FBXL17: variants seen among roughly 807,000 people sequenced by gnomAD.
FBXL17 encodes F-box/LRR-repeat protein 17.
FBXL17 carries 22 observed loss-of-function variants against 66.2 expected under a neutral mutation model. That is an observed-to-expected ratio of 0.33 (90% CI 0.24 to 0.47). FBXL17 has a LOEUF of 0.47. Among genes scored for constraint, FBXL17 ranks in the 20% least tolerant of loss-of-function variants. The pLI is 1.00. For synonymous variants in FBXL17, 474 were observed against 400.5 expected (o/e 1.18, Z -2.19); for missense variants, 878 against 948.2 (o/e 0.93, Z 0.97).
At chr5:107,864,056 CT>C (rs1486246491) in intron 8 of FBXL17, among the ~76,000 whole-genome samples, 1 of 152,208 alleles carries the variant, frequency 6.6e-6, no homozygotes, top group African/African-American at 2.4e-5. Context: ...CATGTTACTT[CT>C]TTAAGACTTG....
intron 8 of FBXL17, among the ~76,000 whole-genome samples, chr5:107,877,576 C>T (rs892710667): frequency 6.6e-6 from 1 of 152,116 alleles, no homozygotes; most frequent in Non-Finnish European, 1.5e-5. Context: ...AAAGAACATG[C>T]AACTAGAATG....
At chr5:107,929,010 T>C (rs1320460906) in intron 7 of FBXL17, among the ~76,000 whole-genome samples, 3 of 152,160 alleles carry the variant, frequency 2.0e-5, no homozygotes, top group South Asian at 4.1e-4. Context: ...TTTCTTGCAC[T>C]GCCATTTTAC....
At chr5:108,279,295 C>A (rs1038316565) in intron 4 of FBXL17, among the ~76,000 whole-genome samples, 2 of 152,044 alleles carry the variant, frequency 1.3e-5, no homozygotes, top group Non-Finnish European at 1.5e-5. Flanking sequence ...GCCCTGGGAA[C>A]AAAAGGCATG....
chr5:107,979,974 T>C (rs1315913788), intron 7 of FBXL17, among the ~76,000 whole-genome samples: 1 of 152,246 alleles, frequency 6.6e-6, no homozygotes, highest in Non-Finnish European at 1.5e-5. Flanking sequence ...TGGTATGCTC[T>C]GACAAATCTT....
chr5:108,068,763 C>T (rs1361467518), intron 6 of FBXL17, among the ~76,000 whole-genome samples: 2 of 152,110 alleles, frequency 1.3e-5, no homozygotes, highest in Non-Finnish European at 2.9e-5. Flanking sequence ...GGCCAATACT[C>T]CTAATTTCTA....
At chr5:107,967,604 A>G (rs1752201699) in intron 7 of FBXL17, among the ~76,000 whole-genome samples, 1 of 151,862 alleles carries the variant, frequency 6.6e-6, no homozygotes, top group South Asian at 2.1e-4. Context: ...TGGGTGCAGC[A>G]CACCAACACG....
intron 6 of FBXL17, among the ~76,000 whole-genome samples, chr5:108,174,653 T>A: frequency 6.6e-6 from 1 of 150,994 alleles, no homozygotes; most frequent in East Asian, 2.0e-4. Flanking sequence ...TAAATATACA[T>A]TTGAAAAGAA....
chr5:108,162,087 T>C lies in FBXL17; in HGVS notation c.1745+24030A>G, dbSNP rs114968995. The stretch of plus-strand genomic sequence containing the variant: ...AATTATAAACTCTATGAGGCAAATA[T>C]TGCTAAATTATTAATTCTGTGGCAA... On this transcript the variant is annotated intron_variant, in intron 6 of 8. Coordinates refer to ENST00000542267, the MANE Select transcript of FBXL17 (RefSeq NM_001163315.3). Among the ~76,000 whole-genome samples, 468 of 152,350 alleles carry C rather than the reference T, an allele frequency of 3.1e-3. 3 individuals carry two copies. Among genetic ancestry groups the C allele is most frequent in the African/African-American group, 0.011 (454 of 41,586 alleles).
At chr5:108,058,301 G>T (rs1162065905) in intron 6 of FBXL17, among the ~76,000 whole-genome samples, 1 of 152,140 alleles carries the variant, frequency 6.6e-6, no homozygotes, top group African/African-American at 2.4e-5. Flanking sequence ...TGATTGCAAA[G>T]TTCCTTTCTC....
intron 6 of FBXL17, among the ~76,000 whole-genome samples, chr5:108,054,518 A>C (rs1161246797): frequency 1.3e-5 from 2 of 152,102 alleles, no homozygotes; most frequent in African/African-American, 4.8e-5. Context: ...GGAAGCTCCA[A>C]CTCCCTGTTT....
intron 7 of FBXL17, among the ~76,000 whole-genome samples, chr5:107,899,952 A>G (rs1029708714): frequency 2.0e-5 from 3 of 152,174 alleles, no homozygotes; most frequent in Non-Finnish European, 4.4e-5. Context: ...AATATTAAAA[A>G]AAGTAAATTT....
chr5:107,895,719 C>T (rs960238097), intron 7 of FBXL17, among the ~76,000 whole-genome samples: 17 of 151,958 alleles, frequency 1.1e-4, no homozygotes, highest in African/African-American at 1.7e-4. Flanking sequence ...TTTGATTGAC[C>T]GGGGTTGGTT....
At chr5:108,200,161 T>C (rs1432148727) in intron 5 of FBXL17, among the ~76,000 whole-genome samples, 3 of 152,080 alleles carry the variant, frequency 2.0e-5, no homozygotes, top group Non-Finnish European at 2.9e-5. Flanking sequence ...TTGCCAGAAA[T>C]GCTACCTGAG....
At chr5:108,294,374 T>A (rs1386946961) in intron 4 of FBXL17, among the ~76,000 whole-genome samples, 2 of 151,476 alleles carry the variant, frequency 1.3e-5, no homozygotes, top group Non-Finnish European at 2.9e-5. Context: ...CTTATTTTAT[T>A]GTCTGAAGTG....
In FBXL17 at chr5:108,075,875, T is replaced by A. The variant is rs1035241330; in HGVS notation, c.1746-54874A>T. Among the ~76,000 whole-genome samples, 4 of 152,366 alleles carry A rather than the reference T, an allele frequency of 2.6e-5. No individual in the cohort carries two copies. The East Asian group carries it at 7.7e-4, about 29-fold the overall frequency. On this transcript the variant is annotated intron_variant, in intron 6 of 8. Transcript: ENST00000542267. ...TTATTTGTGTTTGTCTGTATTTCTA[T>A]GCATATATGTGTATACATCTATGTT... is the stretch of plus-strand genomic sequence containing the variant.
chr5:108,107,810 T>TTA lies in FBXL17; in HGVS notation c.1745+78306_1745+78307insTA, dbSNP rs1580451030. 9.5e-5 allele frequency among the ~76,000 whole-genome samples: 5 copies of TTA among 52,802 alleles called. No individual in the cohort carries two copies. The East Asian group carries it at 8.0e-3, about 84-fold the overall frequency. 34.6% of individuals were successfully genotyped at this position (52,802 alleles called of 152,430 possible). A position where few individuals can be genotyped will look rare whatever the true frequency, so the allele number is the denominator to read the frequency against. On this transcript the variant is annotated intron_variant, in intron 6 of 8. Transcript: ENST00000542267. ...CTGGGCAACACAGCAAGACTCTGTC[T>TTA]CAAAAAAAAAAAAGAAAAGAAAAAA... is the stretch of plus-strand genomic sequence containing the variant.
chr5:108,135,895 T>C (rs1339267860), intron 6 of FBXL17, among the ~76,000 whole-genome samples: 2 of 152,122 alleles, frequency 1.3e-5, no homozygotes, highest in Non-Finnish European at 2.9e-5. Flanking sequence ...AAGTAAGTTC[T>C]AAAATATTCA....
chr5:108,097,763 T>C (rs1203572175), intron 6 of FBXL17, among the ~76,000 whole-genome samples: 1 of 145,122 alleles, frequency 6.9e-6, no homozygotes, highest in Non-Finnish European at 1.5e-5. Context: ...TACTCCAGAC[T>C]GGAAGACAGA....
intron 7 of FBXL17, among the ~76,000 whole-genome samples, chr5:107,956,868 G>C (rs970763541): frequency 6.6e-6 from 1 of 152,108 alleles, no homozygotes; most frequent in Non-Finnish European, 1.5e-5. Context: ...TTACTGGACA[G>C]CTTAGGAAAA....
Sources: allele counts gnomAD v4.1 joint callset (sites outside exome capture counted in the v4.1 genomes callset), GRCh38; gene constraint gnomAD v4.1.1; transcripts MANE v1.5; gene names NCBI Gene and HGNC (gene_info 2026-07-23, HGNC 2026-07-21).